The following OSBP2 variants were observed in gnomAD, a reference collection of about 807,000 sequenced individuals.
The protein encoded by OSBP2 is oxysterol-binding protein 2.
A neutral mutation model predicts 96.0 loss-of-function variants in OSBP2; 66 were observed. The observed-to-expected ratio is 0.69, with a 90% confidence interval of 0.56 to 0.84. OSBP2 has a LOEUF of 0.84. Ranked by LOEUF, OSBP2 falls within the 40% of genes least tolerant of loss-of-function variation. The pLI, the probability that OSBP2 is intolerant of heterozygous loss-of-function variation, is 0.00. For missense variants in OSBP2, 1,038 were observed against 1,222.7 expected, an observed-to-expected ratio of 0.85 and a Z score of 2.25; for synonymous variants, 525 against 520.9, an observed-to-expected ratio of 1.01 and a Z score of -0.11.
chr22:30,833,360 A>T (rs2038569960), intron 2 of OSBP2, among the ~76,000 whole-genome samples: 1 of 152,250 alleles, frequency 6.6e-6, no homozygotes, highest in African/African-American at 2.4e-5. Context: ...TAGGAAAAAA[A>T]AGCATCTAAA....
At chr22:30,798,743 T>C (rs1779041002) in intron 2 of OSBP2, among the ~76,000 whole-genome samples, 3 of 152,360 alleles carry the variant, frequency 2.0e-5, no homozygotes, top group East Asian at 1.9e-4. Context: ...CTGGGCATGG[T>C]GGCTCACACC....
intron 12 of OSBP2, among the ~76,000 whole-genome samples, chr22:30,900,584 T>C (rs1042080879): frequency 6.6e-6 from 1 of 151,974 alleles, no homozygotes; most frequent in Admixed American, 6.6e-5. Context: ...GATTTTTATT[T>C]TGAAACTCTA....
At chr22:30,823,262 G>A (rs59786430) in intron 2 of OSBP2, among the ~76,000 whole-genome samples, 6,640 of 152,310 alleles carry the variant, frequency 0.044, 461 homozygotes, top group African/African-American at 0.15. Context: ...AAGCCCAAGG[G>A]CCCTTCCTAG....
At chr22:30,902,150 AAAC>A (rs2040225906) in intron 12 of OSBP2, 2 of 434,934 alleles carry the variant, frequency 4.6e-6, no homozygotes, top group African/African-American at 2.2e-5. Context: ...CAAAAAAAAA[AAAC>A]AGAGGGTCCC....
rs1569163840 is a variant in OSBP2 at position 30,881,706 on chromosome 22, GCCAGGCGCCTGCCTCTCC to G, written c.1108-5716_1108-5699del. The G allele has an allele frequency of 7.7e-7, 1 of 1,304,072 alleles. No homozygotes were observed. Among genetic ancestry groups the G allele is most frequent in the East Asian group, 5.6e-5 (1 of 18,018 alleles). The allele number at this position is 1,304,072 out of a possible 1,614,324, so 80.8% of individuals were successfully genotyped here. A position where few individuals can be genotyped will look rare whatever the true frequency, so the allele number is the denominator to read the frequency against. On this transcript the variant is annotated intron_variant, in intron 3 of 13. Coordinates refer to ENST00000332585, the MANE Select transcript of OSBP2 (RefSeq NM_030758.4). The surrounding 1 kb of genome is among the most constrained non-coding windows in gnomAD (Gnocchi z 4.5). Reference sequence around the variant, plus strand: ...AGCATTCTGAGAACAGCAGGGCCACGCCAGGCGCCTGCCTCTCCCCACAGCACAGCCAGGATGGGGCCT... The same window carrying G: ...AGCATTCTGAGAACAGCAGGGCCACGCCACAGCACAGCCAGGATGGGGCCT...
At chr22:30,889,405 C>T in intron 6 of OSBP2, 85 bp from the exon 7 acceptor site, 1 of 1,538,148 alleles carries the variant, frequency 6.5e-7, no homozygotes, top group South Asian at 1.1e-5. Flanking sequence ...TGGTGCCAGT[C>T]CTCAGGGTGG....
chr22:30,833,351 A>T (rs925713217), intron 2 of OSBP2, among the ~76,000 whole-genome samples: 2 of 152,236 alleles, frequency 1.3e-5, no homozygotes, highest in South Asian at 4.1e-4. Flanking sequence ...AAAATCCAAT[A>T]GGAAAAAAAA....
intron 2 of OSBP2, among the ~76,000 whole-genome samples, chr22:30,851,849 G>C (rs1223436383): frequency 6.6e-6 from 1 of 151,882 alleles, no homozygotes; most frequent in Non-Finnish European, 1.5e-5. Context: ...CTAGTTTTCT[G>C]TTTTTATCCG....
chr22:30,809,349 C>T (rs966736840), intron 2 of OSBP2, among the ~76,000 whole-genome samples: 4 of 152,210 alleles, frequency 2.6e-5, no homozygotes, highest in Admixed American at 1.3e-4. Flanking sequence ...GTGAGTACTG[C>T]GAGAAATCGA....
chr22:30,820,256 G>C (rs1326487431), intron 2 of OSBP2, among the ~76,000 whole-genome samples: 1 of 152,056 alleles, frequency 6.6e-6, no homozygotes. Flanking sequence ...GGACACGGTG[G>C]TGTGCCCCAG....
In OSBP2 at chr22:30,819,131, T is replaced by A. The variant is rs537205443; in HGVS notation, c.854-51298T>A. Among the ~76,000 whole-genome samples, 22 of 152,278 alleles carry A rather than the reference T, an allele frequency of 1.4e-4. No homozygotes were observed. In the South Asian group the frequency reaches 4.6e-3, roughly 32 times the overall value. On this transcript the variant is annotated intron_variant, in intron 2 of 13. Coordinates refer to ENST00000332585, the MANE Select transcript of OSBP2 (RefSeq NM_030758.4). Reference sequence around the variant, plus strand: ...GGGTGGATCACCTGAGGTCAGGAGTTCAAGACCAGCCTGGTCAACATGGTG... The same window carrying A: ...GGGTGGATCACCTGAGGTCAGGAGTACAAGACCAGCCTGGTCAACATGGTG...
chr22:30,787,668 G>A (rs542930428), intron 2 of OSBP2, among the ~76,000 whole-genome samples: 1 of 152,066 alleles, frequency 6.6e-6, no homozygotes, highest in East Asian at 1.9e-4. Flanking sequence ...AGGATACTCT[G>A]TCTAAAAAGA....
rs189759084 is a variant in OSBP2, at chr22:30,888,171, G to A, written c.1301-52G>A. On this transcript the variant is annotated intron_variant, in intron 4 of 13. Coordinates refer to ENST00000332585, the MANE Select transcript of OSBP2 (RefSeq NM_030758.4). Reference sequence around the variant, plus strand: ...CCCTTGGCTCTGGACTTAGGGAGGCGAGATTGAGCCTTTTGTGAGGTTACA... The same window carrying A: ...CCCTTGGCTCTGGACTTAGGGAGGCAAGATTGAGCCTTTTGTGAGGTTACA... 6.4e-5 allele frequency: 79 copies of A among 1,233,070 alleles called. No individual in the cohort carries two copies. The Admixed American group carries it at 7.3e-4, about 11-fold the overall frequency. 76.4% of individuals were successfully genotyped at this position (1,233,070 alleles called of 1,614,324 possible). A position where few individuals can be genotyped will look rare whatever the true frequency, so the allele number is the denominator to read the frequency against.
At chr22:30,827,644 G>A (rs1033722692) in intron 2 of OSBP2, among the ~76,000 whole-genome samples, 2 of 152,178 alleles carry the variant, frequency 1.3e-5, no homozygotes, top group African/African-American at 4.8e-5. Context: ...CAGGAAGAAC[G>A]GTTTCAAGGA....
In OSBP2 at chr22:30,695,232, C is replaced by A; in HGVS notation, c.323C>A (p.Ser108Ter). Residue 108 changes from serine (S) to a stop codon, truncating the protein, a stop_gained, in exon 1 of 14, where the codon TCA (serine) becomes TAA (stop). Coordinates refer to ENST00000332585, the MANE Select transcript of OSBP2 (RefSeq NM_030758.4). LOFTEE classifies it high-confidence loss of function. ...CTGCTGCAGGGGTCGCGGCCGGGGT[C>A]AGAGTCAAGCTCAGGTGTAGGGGCT... ...SELLQGSRPGSESSSGVGAGP... is the reference protein window; with the variant it reads ...SELLQGSRPG 6.2e-7 allele frequency: 1 copy of A among 1,613,394 alleles called. No homozygotes were observed. The highest frequency in any genetic ancestry group is 8.5e-7 in the Non-Finnish European group (1 of 1,179,816).
intron 1 of OSBP2, among the ~76,000 whole-genome samples, chr22:30,700,206 C>T (rs1420093607): frequency 2.0e-5 from 3 of 151,912 alleles, no homozygotes; most frequent in Admixed American, 6.6e-5. Flanking sequence ...CCTCGTGATC[C>T]GCTTGCCTCG....
chr22:30,729,432 G>A (rs2089708581), intron 1 of OSBP2, among the ~76,000 whole-genome samples: 1 of 152,184 alleles, frequency 6.6e-6, no homozygotes, highest in Non-Finnish European at 1.5e-5. Context: ...GGGGTCAGGA[G>A]CTTCTGACCA....
intron 2 of OSBP2, among the ~76,000 whole-genome samples, chr22:30,785,086 C>A (rs112298716): frequency 3.9e-5 from 6 of 151,930 alleles, no homozygotes; most frequent in African/African-American, 1.5e-4. Context: ...CTTTACTGTT[C>A]TTTAATTTTT....
At chr22:30,896,598 A>G (rs1408488233) in intron 12 of OSBP2, among the ~76,000 whole-genome samples, 1 of 152,134 alleles carries the variant, frequency 6.6e-6, no homozygotes, top group East Asian at 1.9e-4. Context: ...TATAATAAAT[A>G]TAAATAGATG....
Sources: gnomAD v4.1 joint callset for allele counts (sites outside exome capture counted in the v4.1 genomes callset) on GRCh38, gnomAD v4.1.1 for gene constraint, Gnocchi (gnomAD v3.1) non-coding constraint, MANE v1.5 for transcripts, NCBI Gene and HGNC (gene_info 2026-07-23, HGNC 2026-07-21) for gene names.